The following NEURL4 variants were observed in gnomAD, a reference collection of about 807,000 sequenced individuals.
The protein encoded by NEURL4 is neuralized-like protein 4.
In NEURL4, 45 loss-of-function variants were observed where a neutral mutation model predicts 148.0. The observed-to-expected ratio is 0.30, with a 90% CI of 0.24 to 0.39. The LOEUF (loss-of-function observed/expected upper bound fraction) is 0.39. NEURL4 is among the 10% of genes least tolerant of loss of function. The pLI is 1.00. For synonymous variants in NEURL4, 854 were observed against 869.0 expected, an observed-to-expected ratio of 0.98 and a Z score of 0.30; for missense variants, 1,776 against 2,144.0, an observed-to-expected ratio of 0.83 and a Z score of 3.39.
chr17:7,321,694 C>A lies in NEURL4; in HGVS notation c.2965G>T (p.Gly989Cys), dbSNP rs777432893. 6.2e-7 allele frequency: 1 copy of A among 1,613,640 alleles called. No individual in the cohort carries two copies. Among genetic ancestry groups the A allele is most frequent in the African/African-American group, 1.3e-5 (1 of 74,950 alleles). The change falls in exon 18 of 29, where the codon GGT (glycine) becomes TGT (cysteine). Residue 989 changes from glycine to cysteine, a missense_variant. By Grantham distance (159) the Gly-to-Cys change is radical. Transcript: ENST00000399464. This position sits in a 1 kb window ranked among gnomAD's most constrained non-coding sequence, Gnocchi z 6.3. The stretch of plus-strand genomic sequence containing the variant: ...GAAGGAGGCAGCCCTGGGCCACCAC[C>A]GCCTGCCCCGGGTCCCATCTCCCCC... ...APGEMGPGAG[G>C]GGPGLPPSLP...
In NEURL4 at chr17:7,321,463, G is replaced by A; in HGVS notation, c.3100-4C>T. On this transcript the variant is annotated splice_region_variant and splice_polypyrimidine_tract_variant and intron_variant, in intron 18 of 28. Coordinates refer to ENST00000399464, the MANE Select transcript of NEURL4 (RefSeq NM_032442.3). This position sits in a 1 kb window ranked among gnomAD's most constrained non-coding sequence, Gnocchi z 6.3. ...GAACACCCACACGGCTCCCCACCTA[G>A]GACCGAGGTAGGACAAGGACGGACG... 3 of 1,613,904 alleles carry A rather than the reference G, an allele frequency of 1.9e-6. No homozygotes were observed. Among genetic ancestry groups the A allele is most frequent in the Non-Finnish European group, 2.5e-6 (3 of 1,179,922 alleles).
Position 7,324,508 on chromosome 17 carries a change from A to G in NEURL4, c.1814-28T>C. On this transcript the variant is annotated intron_variant, in intron 9 of 28. Coordinates refer to ENST00000399464, the MANE Select transcript of NEURL4 (RefSeq NM_032442.3). This position sits in a 1 kb window ranked among gnomAD's most constrained non-coding sequence, Gnocchi z 5.9. ...GGGAGGACAAGGAGCAGGAGGGGAC[A>G]TGAGGGGAAATGCAGGGCTCCTCTC... The G allele has an allele frequency of 1.3e-6, 2 of 1,593,284 alleles. No homozygotes were observed. The highest frequency in any genetic ancestry group is 1.7e-6 in the Non-Finnish European group (2 of 1,161,202).
rs943717222 is a variant in NEURL4, at chr17:7,329,242, C to A, written c.71G>T (p.Gly24Val). 5.3e-6 allele frequency: 8 copies of A among 1,495,564 alleles called. No homozygotes were observed. The highest frequency in any genetic ancestry group is 2.9e-5 in the African/African-American group (2 of 68,986). 92.6% of individuals were successfully genotyped at this position (1,495,564 alleles called of 1,614,324 possible). ...CGGTCCTGAGCCGCTCCCGCTGGGGCCCCCACCCCCGCCCGGCCCCGGTCC... is the reference window on the plus strand; with the variant it reads ...CGGTCCTGAGCCGCTCCCGCTGGGGACCCCACCCCCGCCCGGCCCCGGTCC... ...GPGPGPGGGG[G>V]PSGSGSGPGS... The change falls in exon 1 of 29, where the codon GGC becomes GTC. Residue 24 changes from glycine to valine, a missense_variant. By Grantham distance (109) the Gly-to-Val change is moderately radical. Coordinates refer to ENST00000399464, the MANE Select transcript of NEURL4 (RefSeq NM_032442.3).
chr17:7,319,725 CA>C (rs72531782), intron 21 of NEURL4, among the ~76,000 whole-genome samples: 21,278 of 142,094 alleles, frequency 0.15, 2,718 homozygotes, highest in African/African-American at 0.32. Context: ...AACAAAAAAA[CA>C]AAAAAAAAAC....
In NEURL4 at chr17:7,329,074, G is replaced by C; in HGVS notation, c.239C>G (p.Pro80Arg). ...FNHGLVLSREPLRDGRVFTVR... is the reference protein window; with the variant it reads ...FNHGLVLSRERLRDGRVFTVR... ...GGTGAAGACGCGTCCATCGCGCAAGGGTTCTCGGCTCAACACCAGCCCGTG... is the reference window on the plus strand; with the variant it reads ...GGTGAAGACGCGTCCATCGCGCAAGCGTTCTCGGCTCAACACCAGCCCGTG... Residue 80 changes from proline to arginine, a missense_variant, in exon 1 of 29, where the codon CCC (proline) becomes CGC (arginine). Pro to Arg is a moderately radical substitution (Grantham distance 103). Transcript: ENST00000399464. 1 of 1,602,910 alleles carries C rather than the reference G, an allele frequency of 6.2e-7. No individual in the cohort carries two copies. The highest frequency in any genetic ancestry group is 1.1e-5 in the South Asian group (1 of 88,992).
Position 7,318,788 on chromosome 17 carries a change from C to T in NEURL4, c.3685-114G>A. 8.3e-7 allele frequency: 1 copy of T among 1,211,824 alleles called. No individual in the cohort carries two copies. The highest frequency in any genetic ancestry group is 1.1e-6 in the Non-Finnish European group (1 of 878,454). 75.1% of individuals were successfully genotyped at this position (1,211,824 alleles called of 1,614,324 possible). The stretch of plus-strand genomic sequence containing the variant: ...TTGGCTTTGCCTCCATGCTTGCCCA[C>T]TGCCGAGGTTCTCCTCCCACTGCAG... On this transcript the variant is annotated intron_variant, in intron 22 of 28. Transcript: ENST00000399464. This position sits in a 1 kb window ranked among gnomAD's most constrained non-coding sequence, Gnocchi z 4.3.
In NEURL4 at chr17:7,321,583, C is replaced by T; in HGVS notation, c.3076G>A (p.Gly1026Ser). The T allele has an allele frequency of 1.2e-6, 2 of 1,614,136 alleles. No individual in the cohort carries two copies. Among genetic ancestry groups the T allele is most frequent in the East Asian group, 2.2e-5 (1 of 44,880 alleles). Residue 1026 changes from glycine (G) to serine (S), a missense_variant, in exon 18 of 29, where the codon GGC (glycine) becomes AGC (serine). By Grantham distance (56) the Gly-to-Ser change is moderately conservative. Transcript: ENST00000399464. This position sits in a 1 kb window ranked among gnomAD's most constrained non-coding sequence, Gnocchi z 6.3. ...ACCCCCAGCCTCTCTAGGTTCCGGC[C>T]ATAGTTCATCCTCTGGAGCTGCCCA... ...RDGQLQRMNY[G>S]RNLERLGVGS...
intron 28 of NEURL4, 117 bp from the exon 29 acceptor site, chr17:7,316,444 G>A: frequency 1.3e-6 from 1 of 763,578 alleles, no homozygotes; most frequent in Non-Finnish European, 2.2e-6. Context: ...CACCTTATGG[G>A]AACTTCGCTC....
rs186968090 is a variant in NEURL4, at chr17:7,323,983, C to T, written c.2092G>A (p.Glu698Lys). 1.9e-6 allele frequency: 3 copies of T among 1,611,278 alleles called. No homozygotes were observed. Among genetic ancestry groups the T allele is most frequent in the Admixed American group, 1.7e-5 (1 of 60,024 alleles). The change falls in exon 12 of 29, where the codon GAG (glutamate) becomes AAG (lysine). Residue 698 changes from glutamate to lysine, a missense_variant. By Grantham distance (56) the Glu-to-Lys change is moderately conservative (BLOSUM62 1). Transcript: ENST00000399464. The part of the protein sequence containing the change: ...EVAPVPEPLP[E>K]GNNQVSPSSP... Reference sequence around the variant, plus strand: ...CTTGGAGACACCTGGTTGTTCCCCTCAGGGAGTGGTTCAGGAACTGGAGCC... The same window carrying T: ...CTTGGAGACACCTGGTTGTTCCCCTTAGGGAGTGGTTCAGGAACTGGAGCC...
Position 7,318,610 on chromosome 17 carries a change from A to G in NEURL4, c.3749T>C (p.Leu1250Pro). 1 of 1,614,080 alleles carries G rather than the reference A, an allele frequency of 6.2e-7. No individual in the cohort carries two copies. The highest frequency in any genetic ancestry group is 8.5e-7 in the Non-Finnish European group (1 of 1,179,970). The change falls in exon 23 of 29, where the codon CTG becomes CCG. Residue 1250 changes from leucine to proline, a missense_variant. Coordinates refer to ENST00000399464, the MANE Select transcript of NEURL4 (RefSeq NM_032442.3). The surrounding 1 kb of genome is among the most constrained non-coding windows in gnomAD (Gnocchi z 4.3). ...AAGATGCAGCCCCCCAGAGCTGTCC[A>G]GCCGCAGTCCCAGGATGGTGCCTTC... ...CPEGTILGLR[L>P]DSSGGLHLHV...
Position 7,322,144 on chromosome 17 carries a change from G to A in NEURL4, c.2726-134C>T. The A allele has an allele frequency of 9.9e-7, 1 of 1,013,550 alleles. No homozygotes were observed. Among genetic ancestry groups the A allele is most frequent in the Non-Finnish European group, 1.4e-6 (1 of 696,174 alleles). The allele number at this position is 1,013,550 out of a possible 1,614,324, so 62.8% of individuals were successfully genotyped here. A position where few individuals can be genotyped will look rare whatever the true frequency, so the allele number is the denominator to read the frequency against. On this transcript the variant is annotated intron_variant, in intron 16 of 28. Transcript: ENST00000399464. The surrounding 1 kb of genome is among the most constrained non-coding windows in gnomAD (Gnocchi z 5.5). The stretch of plus-strand genomic sequence containing the variant: ...TCTGCCATCTGCCATTACACCTCAG[G>A]GCCTCCTGACACCTCTTTATTGTAT...
In NEURL4 at chr17:7,325,464, G is replaced by T. The variant is rs1415361342; in HGVS notation, c.1376C>A (p.Thr459Asn). The T allele has an allele frequency of 3.7e-6, 6 of 1,611,214 alleles. No homozygotes were observed. The highest frequency in any genetic ancestry group is 5.1e-6 in the Non-Finnish European group (6 of 1,179,774). ...FINGIDQGVA[T>N]PLTPPVVYGV... is the part of the protein sequence containing the mutation. The stretch of plus-strand genomic sequence containing the variant: ...ATACACCACTGGGGGCGTCAAGGGG[G>T]TTGCCACTCCTGTGGCAGGAAGGTA... The change falls in exon 8 of 29, where the codon ACC becomes AAC. Residue 459 changes from threonine (T) to asparagine (N), a missense_variant. Coordinates refer to ENST00000399464, the MANE Select transcript of NEURL4 (RefSeq NM_032442.3).
Position 7,318,159 on chromosome 17 carries a change from A to G in NEURL4, c.3966T>C (p.Ser1322=), listed in dbSNP as rs1203992585. The G allele has an allele frequency of 6.2e-7, 1 of 1,613,886 alleles. No homozygotes were observed. The highest frequency in any genetic ancestry group is 2.2e-5 in the East Asian group (1 of 44,870). ...CGGCAGGTGGTGGACCCCAGCACAC[A>G]CTCTCTTTGATACCTGAGGGAGCAG... The part of the protein sequence containing the change: ...KADMVDGIKE[S]VCWGPPPAAS... Residue 1322 remains serine, a synonymous_variant, in exon 25 of 29, where the codon AGT becomes AGC. Transcript: ENST00000399464. This position sits in a 1 kb window ranked among gnomAD's most constrained non-coding sequence, Gnocchi z 4.3.
chr17:7,323,412 C>A, intron 14 of NEURL4, 73 bp downstream of exon 14: 1 of 1,498,612 alleles, frequency 6.7e-7, no homozygotes, highest in Non-Finnish European at 9.3e-7. Flanking sequence ...CCACCATAGG[C>A]CCAAACCTTG....
rs755236528 is a variant in NEURL4 at position 7,318,078 on chromosome 17, G to C, written c.4047C>G (p.Leu1349=). 6.2e-7 allele frequency: 1 copy of C among 1,614,012 alleles called. No homozygotes were observed. The highest frequency in any genetic ancestry group is 2.2e-5 in the East Asian group (1 of 44,884). The change falls in exon 25 of 29, where the codon CTC becomes CTG. Residue 1349 remains leucine, a synonymous_variant. Transcript: ENST00000399464. The surrounding 1 kb of genome is among the most constrained non-coding windows in gnomAD (Gnocchi z 4.3). ...YHALCSRFQE[L]LLLPEDYFMP... is the part of the protein sequence containing the mutation. ...TGTGGGACTCACCGGGAAGCAGCAGGAGTTCTTGGAAGCGAGAGCAAAGGG... is the reference window on the plus strand; with the variant it reads ...TGTGGGACTCACCGGGAAGCAGCAGCAGTTCTTGGAAGCGAGAGCAAAGGG...
In NEURL4 at chr17:7,324,824, G is replaced by C; in HGVS notation, c.1788C>G (p.Pro596=). 1 of 1,614,198 alleles carries C rather than the reference G, an allele frequency of 6.2e-7. No homozygotes were observed. The highest frequency in any genetic ancestry group is 8.5e-7 in the Non-Finnish European group (1 of 1,180,030). The change falls in exon 9 of 29, where the codon CCC becomes CCG. Residue 596 remains proline, a synonymous_variant. Transcript: ENST00000399464. This position sits in a 1 kb window ranked among gnomAD's most constrained non-coding sequence, Gnocchi z 5.9. ...CAGAGCGCAAGTTGGTCATGGTGGA[G>C]GGCAACTGGAGGTAGGCAGGGTTGT... The part of the protein sequence containing the change: ...TTHNPAYLQL[P]STMTNLRSGT...
In NEURL4 at chr17:7,324,094, A is replaced by G. The variant is rs775809990; in HGVS notation, c.2062+14T>C. The G allele has an allele frequency of 2.7e-5, 44 of 1,611,452 alleles. No homozygotes were observed. Among genetic ancestry groups the G allele is most frequent in the Non-Finnish European group, 6.8e-6 (8 of 1,179,726 alleles). ...CCACCCTAACCCCCAGCCCCAGCCC[A>G]GCCCGGCCCTCACCCACGTCGTCCA... On this transcript the variant is annotated intron_variant, in intron 11 of 28. Transcript: ENST00000399464. This position sits in a 1 kb window ranked among gnomAD's most constrained non-coding sequence, Gnocchi z 5.9.
At chr17:7,320,582 T>C (rs1183754286) in intron 21 of NEURL4, among the ~76,000 whole-genome samples, 177 bp downstream of exon 21, 1 of 152,174 alleles carries the variant, frequency 6.6e-6, no homozygotes, top group Non-Finnish European at 1.5e-5. Context: ...AATCACCAGG[T>C]AGGGACTTCG....
chr17:7,324,215 A>G lies in NEURL4; in HGVS notation c.1955T>C (p.Val652Ala), dbSNP rs774124471. 6.2e-7 allele frequency: 1 copy of G among 1,613,740 alleles called. No homozygotes were observed. The highest frequency in any genetic ancestry group is 8.5e-7 in the Non-Finnish European group (1 of 1,179,998). ...AGCAGGGCCCTGAGTCATCCCATTGACAAAGAAGTGGAGAGTCCCGTCCTC... is the reference window on the plus strand; with the variant it reads ...AGCAGGGCCCTGAGTCATCCCATTGGCAAAGAAGTGGAGAGTCCCGTCCTC... The part of the protein sequence containing the change: ...RREDGTLHFF[V>A]NGMTQGPAAW... Residue 652 changes from valine to alanine, a missense_variant, in exon 11 of 29, where the codon GTC becomes GCC. Coordinates refer to ENST00000399464, the MANE Select transcript of NEURL4 (RefSeq NM_032442.3). The surrounding 1 kb of genome is among the most constrained non-coding windows in gnomAD (Gnocchi z 5.9).
Sources: allele counts gnomAD v4.1 joint callset (sites outside exome capture counted in the v4.1 genomes callset), GRCh38; gene constraint gnomAD v4.1.1; non-coding constraint Gnocchi (gnomAD v3.1); transcripts MANE v1.5; gene names NCBI Gene and HGNC (gene_info 2026-07-23, HGNC 2026-07-21).